The following KIFC3 variants were observed in gnomAD, a reference collection of about 807,000 sequenced individuals.
KIFC3 encodes kinesin family member C3, also known as kinesin-like protein KIFC3.
Under a neutral mutation model 101.8 loss-of-function variants are expected in KIFC3, and 60 were observed. The observed-to-expected ratio is 0.59, with a 90% CI of 0.48 to 0.73. The LOEUF (loss-of-function observed/expected upper bound fraction) is 0.73, where lower values mean the gene tolerates loss of function less well. Ranked by LOEUF, KIFC3 falls within the 30% of genes least tolerant of loss-of-function variation. KIFC3 has a pLI of 0.00. For synonymous variants in KIFC3, 476 were observed against 482.7 expected (o/e 0.99, Z 0.18); for missense variants, 966 against 1,137.1 (o/e 0.85, Z 2.16).
At position 57,759,819 on chromosome 16, in the gene KIFC3, C is replaced by G; in HGVS notation, c.2385G>C (p.Gln795His). 6.2e-7 allele frequency: 1 copy of G among 1,609,170 alleles called. No homozygotes were observed. Among genetic ancestry groups the G allele is most frequent in the Middle Eastern group, 1.7e-4 (1 of 6,028 alleles). Residue 795 changes from glutamine to histidine, a missense_variant, in exon 18 of 20, where the codon CAG becomes CAC. Gln to His is a conservative substitution (Grantham distance 24). Around this residue, in one of 2 missense-constraint regions of KIFC3, gnomAD observed 689 missense variants for 884.6 expected, o/e 0.78. Coordinates refer to ENST00000445690, the MANE Select transcript of KIFC3 (RefSeq NM_001130100.2). ...QEHLEWEPAC[Q>H]TPQPSARAHS... The stretch of plus-strand genomic sequence containing the variant: ...GGGCCCGTGCCGAGGGCTGTGGCGT[C>G]TGACAAGCCGGCTCCCACTGTGAGC...
At chr16:57,810,168 G>A (rs567404396) in intron 1 of KIFC3, among the ~76,000 whole-genome samples, 1 of 152,240 alleles carries the variant, frequency 6.6e-6, no homozygotes, top group African/African-American at 2.4e-5. Context: ...GCTCCTTGCA[G>A]TAAGTCAATC....
chr16:57,855,445 A>G (rs2056146811), intron 1 of KIFC3, among the ~76,000 whole-genome samples: 1 of 152,096 alleles, frequency 6.6e-6, no homozygotes, highest in African/African-American at 2.4e-5. Context: ...AAGTTTGGAT[A>G]GAAATTGGGA....
At chr16:57,809,126 A>C (rs2055009575) in intron 1 of KIFC3, among the ~76,000 whole-genome samples, 1 of 152,074 alleles carries the variant, frequency 6.6e-6, no homozygotes. Flanking sequence ...CCCATCTCTA[A>C]ATTTTTTTTA....
rs372877592 is a variant in KIFC3 at position 57,758,531 on chromosome 16, C to T, written c.*403G>A. On this transcript the variant is annotated 3_prime_UTR_variant, in exon 20 of 20. Coordinates refer to ENST00000445690, the MANE Select transcript of KIFC3 (RefSeq NM_001130100.2). ...TTCTTGGGTCTGCCCAGAGGCTCCTCGCCCACCCCCTAAGGAGGGGGCTGG... is the reference window on the plus strand; with the variant it reads ...TTCTTGGGTCTGCCCAGAGGCTCCTTGCCCACCCCCTAAGGAGGGGGCTGG... The T allele has an allele frequency of 1.8e-4, 99 of 558,626 alleles. No individual in the cohort carries two copies. Among genetic ancestry groups the T allele is most frequent in the African/African-American group, 1.5e-3 (80 of 53,844 alleles). The allele number at this position is 558,626 out of a possible 1,614,324, so 34.6% of individuals were successfully genotyped here.
intron 3 of KIFC3, among the ~76,000 whole-genome samples, chr16:57,793,580 G>A (rs1294886912): frequency 3.4e-5 from 5 of 148,766 alleles, no homozygotes; most frequent in East Asian, 2.0e-4. Context: ...GCGACAGAGC[G>A]AGACTCTGTC....
intron 1 of KIFC3, among the ~76,000 whole-genome samples, chr16:57,862,062 T>A (rs977482169): frequency 2.0e-5 from 3 of 152,092 alleles, no homozygotes; most frequent in African/African-American, 7.2e-5. Context: ...AAGGATGAGC[T>A]TCTGGAAGCG....
At chr16:57,793,363 C>G (rs2054037012) in intron 3 of KIFC3, among the ~76,000 whole-genome samples, 1 of 151,328 alleles carries the variant, frequency 6.6e-6, no homozygotes, top group South Asian at 2.1e-4. Context: ...GAGGCTGGGG[C>G]GGGCAGATCA....
intron 3 of KIFC3, chr16:57,781,967 C>T (rs1029385447): frequency 2.2e-5 from 22 of 985,250 alleles, no homozygotes; most frequent in Non-Finnish European, 2.4e-5. Context: ...AGAAAGCAGC[C>T]GATCAGAAGC....
chr16:57,792,487 AAC>A (rs2053956369), intron 3 of KIFC3, among the ~76,000 whole-genome samples: 1 of 152,234 alleles, frequency 6.6e-6, no homozygotes, highest in African/African-American at 2.4e-5. Flanking sequence ...TCACTGCATG[AAC>A]ACAGCACAGA....
upstream of KIFC3, among the ~76,000 whole-genome samples, chr16:57,805,816 C>T (rs1418751251): frequency 3.9e-5 from 6 of 152,090 alleles, no homozygotes; most frequent in Admixed American, 1.3e-4. Context: ...GCTGGGATTA[C>T]AGGCATGCGC....
intron 12 of KIFC3, 119 bp from the exon 13 acceptor site, chr16:57,762,389 TTACC>T (rs2049970014): frequency 3.7e-6 from 4 of 1,071,392 alleles, no homozygotes; most frequent in South Asian, 1.8e-5. Context: ...CCCAAAGCTC[TTACC>T]TACCTGCCAC....
At chr16:57,768,741 GC>G (rs1205842529) in intron 9 of KIFC3, among the ~76,000 whole-genome samples, 1 of 152,160 alleles carries the variant, frequency 6.6e-6, no homozygotes, top group Admixed American at 6.5e-5. Context: ...ATTAGTCTTT[GC>G]AAAGCTATCA....
chr16:57,807,944 A>AAAAAAACAAAAC (rs1393441168), upstream of KIFC3: 22 of 133,602 alleles, frequency 1.6e-4, no homozygotes, highest in African/African-American at 8.6e-4. Flanking sequence ...AAAAAAAAAA[A>AAAAAAACAAAAC]AAAAAAAAAA....
intron 1 of KIFC3, among the ~76,000 whole-genome samples, chr16:57,862,482 A>G (rs1338351828): frequency 6.6e-6 from 1 of 152,208 alleles, no homozygotes. Flanking sequence ...CTATACTGCC[A>G]TTAAGTTGTA....
chr16:57,802,652 TC>T, upstream of KIFC3: 1 of 875,634 alleles, frequency 1.1e-6, no homozygotes, highest in Non-Finnish European at 1.5e-6. The surrounding 1 kb of genome is among the most constrained non-coding windows in gnomAD (Gnocchi z 5.0). Context: ...CCGCCGGCAC[TC>T]CCACTCCCAC....
At chr16:57,790,496 T>TAA (rs2053781166) in intron 3 of KIFC3, among the ~76,000 whole-genome samples, 1 of 152,094 alleles carries the variant, frequency 6.6e-6, no homozygotes, top group Non-Finnish European at 1.5e-5. Flanking sequence ...GCCACTCTTT[T>TAA]AAAAGTGCTC....
intron 5 of KIFC3, 50 bp downstream of exon 5, chr16:57,771,493 C>T: frequency 6.2e-7 from 1 of 1,609,742 alleles, no homozygotes; most frequent in Non-Finnish European, 8.5e-7. Flanking sequence ...CTGTGAGGAG[C>T]TGGGGTGGCC....
intron 1 of KIFC3, among the ~76,000 whole-genome samples, chr16:57,850,982 C>CT (rs142877655): frequency 0.054 from 1,563 of 28,688 alleles, 24 homozygotes; most frequent in Non-Finnish European, 0.14. Context: ...TCCTTCCTTC[C>CT]TTCCTTCCTT....
At chr16:57,778,040 A>C (rs2052321055) in intron 3 of KIFC3, among the ~76,000 whole-genome samples, 1 of 152,234 alleles carries the variant, frequency 6.6e-6, no homozygotes, top group South Asian at 2.1e-4. Context: ...GCACTTTGGG[A>C]GGCCAAGGTA....
Sources: gnomAD v4.1 joint callset for allele counts (sites outside exome capture counted in the v4.1 genomes callset) on GRCh38, gnomAD v4.1.1 for gene constraint, gnomAD v4.1.1 regional missense constraint, Gnocchi (gnomAD v3.1) non-coding constraint, MANE v1.5 for transcripts, NCBI Gene and HGNC (gene_info 2026-07-23, HGNC 2026-07-21) for gene names.